SLC9A7: variants seen among roughly 807,000 people sequenced by gnomAD.
The protein encoded by SLC9A7 is sodium/hydrogen exchanger 7.
SLC9A7 carries 19 observed loss-of-function variants against 52.6 expected under a neutral mutation model. That is an observed-to-expected ratio of 0.36 (90% CI 0.25 to 0.53). SLC9A7 has a LOEUF of 0.53. SLC9A7 is among the 20% of genes least tolerant of loss of function. The probability of loss-of-function intolerance (pLI) is 0.91; values close to 1 mark genes in which losing one functional copy is unlikely to be tolerated. For missense variants in SLC9A7, 455 were observed against 597.9 expected, an observed-to-expected ratio of 0.76 and a Z score of 2.49; for synonymous variants, 226 against 252.1, an observed-to-expected ratio of 0.90 and a Z score of 0.98.
chrX:46,705,929 T>C (rs1293743392), intron 1 of SLC9A7, among the ~76,000 whole-genome samples: 7 of 110,800 alleles, frequency 6.3e-5, no homozygotes, highest in Non-Finnish European at 1.3e-4. Context: ...TTCACACAAA[T>C]AGATCCCAAA....
intron 1 of SLC9A7, among the ~76,000 whole-genome samples, chrX:46,720,431 G>A (rs1046309747): frequency 9.1e-6 from 1 of 110,173 alleles, no homozygotes; most frequent in East Asian, 2.8e-4. Flanking sequence ...TTCTGCAGTC[G>A]TTTCTTAACT....
At chrX:46,636,481 C>G (rs1943321571) in intron 12 of SLC9A7, among the ~76,000 whole-genome samples, 1 of 110,034 alleles carries the variant, frequency 9.1e-6, no homozygotes, top group African/African-American at 3.3e-5. Flanking sequence ...TGACCCCTTC[C>G]TCTGGTTGTG....
At chrX:46,728,650 C>T (rs1315579027) in intron 1 of SLC9A7, among the ~76,000 whole-genome samples, 1 of 111,951 alleles carries the variant, frequency 8.9e-6, no homozygotes, top group Non-Finnish European at 1.9e-5. Context: ...TTTATTCCAA[C>T]AGAAATGAAA....
At chrX:46,702,241 C>A (rs1443611648) in intron 1 of SLC9A7, among the ~76,000 whole-genome samples, 1 of 111,392 alleles carries the variant, frequency 9.0e-6, no homozygotes, top group Non-Finnish European at 1.9e-5. Context: ...TTCTTCAGAT[C>A]CACTGTTCAG....
In SLC9A7 at chrX:46,605,357, G is replaced by A. The variant is rs1314238904; in HGVS notation, c.*1595C>T. 9.0e-6 allele frequency: 1 copy of A among 111,549 alleles called. No individual in the cohort carries two copies. Among genetic ancestry groups the A allele is most frequent in the Non-Finnish European group, 1.9e-5 (1 of 53,145 alleles). 9.2% of individuals were successfully genotyped at this position (111,549 alleles called of 1,213,427 possible). A position where few individuals can be genotyped will look rare whatever the true frequency, so the allele number is the denominator to read the frequency against. On this transcript the variant is annotated 3_prime_UTR_variant, in exon 17 of 17. Coordinates refer to ENST00000616978, the MANE Select transcript of SLC9A7 (RefSeq NM_001257291.2). ...CTTTCTGTATTTCAGCACTACAGGT[G>A]TGGGCAGACAGAACAGCTCATCCAG... is the stretch of plus-strand genomic sequence containing the variant.
intron 13 of SLC9A7, 109 bp downstream of exon 13, chrX:46,635,480 G>T: frequency 1.7e-6 from 1 of 585,470 alleles, no homozygotes; most frequent in African/African-American, 2.2e-5. Context: ...AGTGGGGGTT[G>T]GCACACGCAG....
intron 11 of SLC9A7, among the ~76,000 whole-genome samples, chrX:46,644,466 T>C (rs1326542018): frequency 9.0e-6 from 1 of 111,428 alleles, no homozygotes; most frequent in Non-Finnish European, 1.9e-5. Flanking sequence ...TGAAACACTA[T>C]CTCTACCAAA....
At chrX:46,693,617 A>T (rs200265012) in intron 1 of SLC9A7, among the ~76,000 whole-genome samples, 1 of 110,007 alleles carries the variant, frequency 9.1e-6, no homozygotes, top group East Asian at 2.8e-4. Context: ...AATGGGTCAA[A>T]GACCTAAATC....
chrX:46,663,489 T>C (rs1943862252), intron 5 of SLC9A7, among the ~76,000 whole-genome samples: 1 of 103,570 alleles, frequency 9.7e-6, no homozygotes, highest in African/African-American at 3.6e-5. Flanking sequence ...AAATACAAAA[T>C]TAGCTGGTCA....
intron 4 of SLC9A7, among the ~76,000 whole-genome samples, chrX:46,671,495 T>C (rs1400178145): frequency 9.1e-6 from 1 of 109,972 alleles, no homozygotes; most frequent in African/African-American, 3.3e-5. Context: ...GGTCTCGATC[T>C]CCAGACCTTG....
chrX:46,661,059 C>T (rs1943808451), intron 7 of SLC9A7, among the ~76,000 whole-genome samples: 1 of 111,376 alleles, frequency 9.0e-6, no homozygotes. Flanking sequence ...ATGATGAGTT[C>T]ATGTCCTTTG....
chrX:46,666,847 A>G (rs912956743), intron 5 of SLC9A7, among the ~76,000 whole-genome samples: 4 of 112,349 alleles, frequency 3.6e-5, no homozygotes, highest in African/African-American at 1.3e-4. Context: ...ATTATAGATG[A>G]GTATACTTAG....
In SLC9A7 at chrX:46,601,410, A is replaced by C. The variant is rs906884799; in HGVS notation, c.*5542T>G. 9 of 112,704 alleles carry C rather than the reference A, an allele frequency of 8.0e-5. No individual in the cohort carries two copies. Among genetic ancestry groups the C allele is most frequent in the Admixed American group, 1.9e-4 (2 of 10,655 alleles). The allele number at this position is 112,704 out of a possible 1,213,427, so 9.3% of individuals were successfully genotyped here. ...AGATAGGATGATGGGATGACGTCAA[A>C]CAGACCAACAGACCTCTATTTTGGA... is the stretch of plus-strand genomic sequence containing the variant. On this transcript the variant is annotated 3_prime_UTR_variant, in exon 17 of 17. Transcript: ENST00000616978.
At chrX:46,635,557 GTTAATTTTTT>G in intron 13 of SLC9A7, 22 bp downstream of exon 13, 1 of 1,136,596 alleles carries the variant, frequency 8.8e-7, no homozygotes, top group Non-Finnish European at 1.2e-6. Context: ...GCCAGGCCCA[GTTAATTTTTT>G]CTGAGGATGC....
At position 46,602,859 on chromosome X, in the gene SLC9A7, T is replaced by A. The variant is rs1292984571; in HGVS notation, c.*4093A>T. ...ATGTGGAACCACTTGACGAATGGAT[T>A]CACATTCCCAGGACCCCTGGTAAGG... On this transcript the variant is annotated 3_prime_UTR_variant, in exon 17 of 17. Coordinates refer to ENST00000616978, the MANE Select transcript of SLC9A7 (RefSeq NM_001257291.2). 1 of 112,606 alleles carries A rather than the reference T, an allele frequency of 8.9e-6. No homozygotes were observed. Among genetic ancestry groups the A allele is most frequent in the Non-Finnish European group, 1.9e-5 (1 of 53,352 alleles). The allele number at this position is 112,606 out of a possible 1,213,427, so 9.3% of individuals were successfully genotyped here.
At chrX:46,754,492 T>C (rs1922489333) in intron 1 of SLC9A7, among the ~76,000 whole-genome samples, 2 of 111,400 alleles carry the variant, frequency 1.8e-5, no homozygotes, top group African/African-American at 6.5e-5. Flanking sequence ...AGGAAGGAGA[T>C]GGTTCCAAAA....
chrX:46,603,545 A>C lies in SLC9A7; in HGVS notation c.*3407T>G, dbSNP rs1042317480. On this transcript the variant is annotated 3_prime_UTR_variant, in exon 17 of 17. Transcript: ENST00000616978. Reference sequence around the variant, plus strand: ...ATCTTGTAAAAGCTTTCTAAAAAAAACTCAAAATAATGGCCAGGGGCGGTG... The same window carrying C: ...ATCTTGTAAAAGCTTTCTAAAAAAACCTCAAAATAATGGCCAGGGGCGGTG... The C allele has an allele frequency of 2.7e-5, 3 of 112,191 alleles. No homozygotes were observed. Among genetic ancestry groups the C allele is most frequent in the Non-Finnish European group, 5.6e-5 (3 of 53,212 alleles). The allele number at this position is 112,191 out of a possible 1,213,427, so 9.2% of individuals were successfully genotyped here.
chrX:46,623,121 A>G (rs1180327364), intron 14 of SLC9A7, among the ~76,000 whole-genome samples: 1 of 111,979 alleles, frequency 8.9e-6, no homozygotes, highest in South Asian at 3.7e-4. Flanking sequence ...GGACAGAACT[A>G]ATTTTTTAAA....
intron 1 of SLC9A7, chrX:46,725,091 A>C: frequency 1.8e-6 from 1 of 544,250 alleles, no homozygotes; most frequent in Non-Finnish European, 3.3e-6. Context: ...TGGAAAGATA[A>C]ATATTTCCTA....
Sources: allele counts gnomAD v4.1 joint callset (sites outside exome capture counted in the v4.1 genomes callset), GRCh38; gene constraint gnomAD v4.1.1; transcripts MANE v1.5; gene names NCBI Gene and HGNC (gene_info 2026-07-23, HGNC 2026-07-21).